MVB12B: variants seen among roughly 807,000 people sequenced by gnomAD.
MVB12B encodes multivesicular body subunit 12B, also known as ESCRT-I complex subunit MVB12B.
In MVB12B, 16 loss-of-function variants were observed where a neutral mutation model predicts 41.6. The observed-to-expected ratio is 0.38, with a 90% CI of 0.26 to 0.58. The LOEUF (loss-of-function observed/expected upper bound fraction) is 0.58, where lower values mean the gene tolerates loss of function less well. Among genes scored for constraint, MVB12B ranks in the 20% least tolerant of loss-of-function variants. MVB12B has a pLI of 0.62. For synonymous variants in MVB12B, 133 were observed against 139.7 expected (o/e 0.95, Z 0.34); for missense variants, 274 against 380.2 (o/e 0.72, Z 2.32).
rs1423166074 is a variant in MVB12B, at chr9:126,376,637, G to A, written c.205-4427G>A. The A allele has an allele frequency of 7.8e-6, 10 of 1,289,100 alleles. No individual in the cohort carries two copies. The highest frequency in any genetic ancestry group is 2.1e-4 in the Middle Eastern group (1 of 4,712). The allele number at this position is 1,289,100 out of a possible 1,614,324, so 79.9% of individuals were successfully genotyped here. ...TGGAAGCAAGAAGGAGGGTAAGCGC[G>A]GGTGGCAGGGAGGGGCCTGCCATTG... On this transcript the variant is annotated intron_variant, in intron 2 of 9. Transcript: ENST00000361171. This position sits in a 1 kb window ranked among gnomAD's most constrained non-coding sequence, Gnocchi z 4.1.
chr9:126,461,368 T>C (rs985300710), intron 7 of MVB12B, among the ~76,000 whole-genome samples: 2 of 152,078 alleles, frequency 1.3e-5, no homozygotes, highest in African/African-American at 4.8e-5. Context: ...ATTTTCACTA[T>C]ATATAAAAAA....
chr9:126,400,826 T>C (rs1185231369), intron 6 of MVB12B, among the ~76,000 whole-genome samples: 1 of 152,170 alleles, frequency 6.6e-6, no homozygotes, highest in African/African-American at 2.4e-5. Flanking sequence ...CCTCCCTTGG[T>C]GATGCGGACA....
At chr9:126,327,037 G>C (rs1407931153) in intron 1 of MVB12B, 27 bp downstream of exon 1, 1 of 155,654 alleles carries the variant, frequency 6.4e-6, no homozygotes, top group East Asian at 1.9e-4. Context: ...GCGCCGCGGA[G>C]GCTCGGCGGA....
intron 6 of MVB12B, among the ~76,000 whole-genome samples, chr9:126,404,972 G>A (rs773714523): frequency 1.1e-4 from 17 of 152,126 alleles, no homozygotes; most frequent in Admixed American, 3.3e-4. Flanking sequence ...AATGCAGTTC[G>A]GTATTGTTAG....
intron 7 of MVB12B, among the ~76,000 whole-genome samples, chr9:126,469,109 G>A (rs1282198699): frequency 1.3e-5 from 2 of 152,154 alleles, no homozygotes; most frequent in South Asian, 2.1e-4. Context: ...CCAGGATTTC[G>A]GGGCTACACA....
chr9:126,371,348 G>A (rs1411940566), intron 2 of MVB12B, among the ~76,000 whole-genome samples: 2 of 152,228 alleles, frequency 1.3e-5, no homozygotes, highest in Admixed American at 6.5e-5. Flanking sequence ...GCTGCGATGC[G>A]GCCAGGTGCC....
chr9:126,403,222 T>C (rs1486921771), intron 6 of MVB12B, among the ~76,000 whole-genome samples: 2 of 152,220 alleles, frequency 1.3e-5, no homozygotes, highest in African/African-American at 4.8e-5. Flanking sequence ...ACACATCCTC[T>C]TACATTAATT....
At chr9:126,359,611 C>T (rs189804203) in intron 2 of MVB12B, among the ~76,000 whole-genome samples, 8 of 152,096 alleles carry the variant, frequency 5.3e-5, no homozygotes, top group African/African-American at 1.9e-4. Context: ...CTTAAATGAG[C>T]CTTGGTAGTT....
chr9:126,422,966 C>G (rs1832068573), intron 7 of MVB12B, among the ~76,000 whole-genome samples: 1 of 152,166 alleles, frequency 6.6e-6, no homozygotes, highest in Non-Finnish European at 1.5e-5. Flanking sequence ...CCTGGCTCCA[C>G]TGCAGGAGCC....
intron 6 of MVB12B, among the ~76,000 whole-genome samples, chr9:126,398,787 G>T (rs1831190457): frequency 6.6e-6 from 1 of 152,256 alleles, no homozygotes; most frequent in Non-Finnish European, 1.5e-5. Flanking sequence ...GTGGGTCACA[G>T]ATCTTGCTGC....
intron 2 of MVB12B, among the ~76,000 whole-genome samples, chr9:126,352,658 C>G (rs1424778258): frequency 6.6e-6 from 1 of 152,182 alleles, no homozygotes; most frequent in Admixed American, 6.5e-5. Context: ...GATTATTTCA[C>G]CTTTCAGAGT....
intron 1 of MVB12B, among the ~76,000 whole-genome samples, chr9:126,337,275 G>A (rs1328518477): frequency 6.6e-6 from 1 of 152,186 alleles, no homozygotes; most frequent in African/African-American, 2.4e-5. Flanking sequence ...CCTCCTGTGC[G>A]GTGCTTGGAT....
chr9:126,333,891 G>A lies in MVB12B; in HGVS notation c.82-6617G>A, dbSNP rs1011593892. ...CATCCATCCATCCATCCATCCATTCGTTCATCAAATACCTGATGAATACCT... is the reference window on the plus strand; with the variant it reads ...CATCCATCCATCCATCCATCCATTCATTCATCAAATACCTGATGAATACCT... On this transcript the variant is annotated intron_variant, in intron 1 of 9. Transcript: ENST00000361171. This position sits in a 1 kb window ranked among gnomAD's most constrained non-coding sequence, Gnocchi z 4.7. Among the ~76,000 whole-genome samples, 3 of 151,046 alleles carry A rather than the reference G, an allele frequency of 2.0e-5. No individual in the cohort carries two copies. Among genetic ancestry groups the A allele is most frequent in the Non-Finnish European group, 2.9e-5 (2 of 67,808 alleles).
At chr9:126,349,072 A>C (rs1034731322) in intron 2 of MVB12B, among the ~76,000 whole-genome samples, 18 of 152,116 alleles carry the variant, frequency 1.2e-4, no homozygotes, top group African/African-American at 3.9e-4. Flanking sequence ...TAGGTGGGGA[A>C]GCGTGGGGTG....
At chr9:126,377,312 G>T (rs1446062565) in intron 2 of MVB12B, among the ~76,000 whole-genome samples, 1 of 152,198 alleles carries the variant, frequency 6.6e-6, no homozygotes, top group African/African-American at 2.4e-5. Context: ...GTGCACATGT[G>T]TATGCGAGGC....
chr9:126,494,062 G>T (rs753188092), intron 9 of MVB12B, among the ~76,000 whole-genome samples: 2 of 152,144 alleles, frequency 1.3e-5, no homozygotes, highest in Non-Finnish European at 2.9e-5. Context: ...TTAACCCATA[G>T]TGCTGCGTTT....
At chr9:126,381,319 G>A in intron 3 of MVB12B, 148 bp downstream of exon 3, 1 of 632,650 alleles carries the variant, frequency 1.6e-6, no homozygotes, top group Middle Eastern at 4.3e-4. Flanking sequence ...AGAATCAGCA[G>A]CCAGCACTGT....
chr9:126,423,061 A>G (rs747663472), intron 7 of MVB12B, among the ~76,000 whole-genome samples: 1 of 152,196 alleles, frequency 6.6e-6, no homozygotes, highest in Non-Finnish European at 1.5e-5. Flanking sequence ...CTATTTCAGC[A>G]GAGTCGACAA....
chr9:126,336,688 C>G (rs1829288467), intron 1 of MVB12B, among the ~76,000 whole-genome samples: 1 of 152,100 alleles, frequency 6.6e-6, no homozygotes, highest in Non-Finnish European at 1.5e-5. Flanking sequence ...AAACACTTCA[C>G]CTTAACCCTC....
Sources: allele counts gnomAD v4.1 joint callset (sites outside exome capture counted in the v4.1 genomes callset), GRCh38; gene constraint gnomAD v4.1.1; non-coding constraint Gnocchi (gnomAD v3.1); transcripts MANE v1.5; gene names NCBI Gene and HGNC (gene_info 2026-07-23, HGNC 2026-07-21).